CAMTA1: variants seen among roughly 807,000 people sequenced by gnomAD.
The protein encoded by CAMTA1 is calmodulin binding transcription activator 1, also known as calmodulin-binding transcription activator 1.
CAMTA1 carries 27 observed loss-of-function variants against 170.9 expected under a neutral mutation model. The observed-to-expected ratio is 0.16, with a 90% confidence interval of 0.12 to 0.22. The LOEUF is 0.22. CAMTA1 is among the 10% of genes least tolerant of loss of function. The probability of loss-of-function intolerance (pLI) is 1.00; values close to 1 mark genes in which losing one functional copy is unlikely to be tolerated. For synonymous variants in CAMTA1, 833 were observed against 891.5 expected (o/e 0.93, Z 1.17); for missense variants, 1,619 against 2,217.2 (o/e 0.73, Z 5.42).
In CAMTA1 at chr1:7,303,531, T is replaced by C. The variant is rs1675114170; in HGVS notation, c.438+53905T>C. ...GTACATTTTACCAGCGTAGGTGTTA[T>C]TTTCTTACCCTTTTGTTGGATGATT... On this transcript the variant is annotated intron_variant, in intron 5 of 22. Transcript: ENST00000303635. Among the ~76,000 whole-genome samples, 5 of 152,226 alleles carry C rather than the reference T, an allele frequency of 3.3e-5. No individual in the cohort carries two copies. In the South Asian group the frequency reaches 8.3e-4, roughly 25 times the overall value.
rs541790025 is a variant in CAMTA1, at chr1:7,443,305, G to T, written c.439-24525G>T. ...GACCAGGTCTGTTCTGGTCCCCATC[G>T]CATGCTCAGCCCCAGCATCGGGCCT... On this transcript the variant is annotated intron_variant, in intron 5 of 22. Transcript: ENST00000303635. This position sits in a 1 kb window ranked among gnomAD's most constrained non-coding sequence, Gnocchi z 4.1. Among the ~76,000 whole-genome samples the T allele has an allele frequency of 6.6e-6, 1 of 152,226 alleles. No individual in the cohort carries two copies. The highest frequency in any genetic ancestry group is 2.4e-5 in the African/African-American group (1 of 41,458).
At chr1:7,653,033 G>A (rs2095857842) in intron 7 of CAMTA1, among the ~76,000 whole-genome samples, 1 of 152,188 alleles carries the variant, frequency 6.6e-6, no homozygotes, top group Non-Finnish European at 1.5e-5. Flanking sequence ...TCTCAAACTT[G>A]AGTGTGCCTC....
chr1:7,533,862 C>T lies in CAMTA1; in HGVS notation c.510+65961C>T, dbSNP rs116109458. 5.1e-3 allele frequency among the ~76,000 whole-genome samples: 779 copies of T among 152,098 alleles called. 6 individuals carry two copies. Among genetic ancestry groups the T allele is most frequent in the African/African-American group, 0.018 (734 of 41,476 alleles). The stretch of plus-strand genomic sequence containing the variant: ...CTGGGAGGCAGAGGTTGCAGTAAGC[C>T]GCAGTCACACCACTGCACTCTAGCC... On this transcript the variant is annotated intron_variant, in intron 6 of 22. Transcript: ENST00000303635.
intron 3 of CAMTA1, among the ~76,000 whole-genome samples, chr1:6,952,202 G>T (rs907755217): frequency 2.0e-5 from 3 of 150,786 alleles, no homozygotes; most frequent in African/African-American, 7.3e-5. Context: ...AGGCTGAGGC[G>T]GGCGGATCAC....
chr1:6,828,080 A>G (rs151111337), intron 3 of CAMTA1, among the ~76,000 whole-genome samples: 269 of 152,134 alleles, frequency 1.8e-3, no homozygotes, highest in African/African-American at 6.3e-3. Flanking sequence ...ATGAAATGTC[A>G]ACTGTCATCT....
At chr1:6,892,731 C>T (rs1388490007) in intron 3 of CAMTA1, among the ~76,000 whole-genome samples, 1 of 151,190 alleles carries the variant, frequency 6.6e-6, no homozygotes, top group African/African-American at 2.4e-5. Context: ...AACTAGGTCT[C>T]CGTTTCTAAC....
intron 3 of CAMTA1, among the ~76,000 whole-genome samples, chr1:6,844,115 G>A (rs529931823): frequency 1.8e-4 from 28 of 152,280 alleles, no homozygotes; most frequent in South Asian, 1.4e-3. Context: ...CAAACATAAT[G>A]TTGAGAGAAA....
rs371043973 is a variant in CAMTA1 at position 7,064,068 on chromosome 1, T to TCTC, written c.235-27218_235-27216dup. On this transcript the variant is annotated intron_variant, in intron 3 of 22. Coordinates refer to ENST00000303635, the MANE Select transcript of CAMTA1 (RefSeq NM_015215.4). The surrounding 1 kb of genome is among the most constrained non-coding windows in gnomAD (Gnocchi z 5.4). ...ATGGTGGGAGCCTTTGCCTTCACCT[T>TCTC]CTCCTCCTCCTCCTCCTCCTTCTTC... is the stretch of plus-strand genomic sequence containing the variant. Among the ~76,000 whole-genome samples the TCTC allele has an allele frequency of 6.0e-4, 91 of 151,592 alleles. 2 individuals carry two copies. The South Asian group carries it at 6.3e-3, about 10-fold the overall frequency.
At chr1:7,031,218 T>G (rs541197480) in intron 3 of CAMTA1, among the ~76,000 whole-genome samples, 3 of 152,116 alleles carry the variant, frequency 2.0e-5, no homozygotes, top group Non-Finnish European at 4.4e-5. Flanking sequence ...TTCTTGTATT[T>G]CTATCAGTTT....
At chr1:7,033,588 C>CTTTTTT (rs34282545) in intron 3 of CAMTA1, among the ~76,000 whole-genome samples, 23 of 95,128 alleles carry the variant, frequency 2.4e-4, no homozygotes, top group South Asian at 3.8e-4. Context: ...TGTAAATATT[C>CTTTTTT]TTTTTTTTTT....
At chr1:7,432,620 C>T (rs535652750) in intron 5 of CAMTA1, among the ~76,000 whole-genome samples, 197 of 152,292 alleles carry the variant, frequency 1.3e-3, no homozygotes, top group African/African-American at 4.6e-3. Flanking sequence ...TGCCTCCGTC[C>T]GGGCCTCAGC....
intron 11 of CAMTA1, among the ~76,000 whole-genome samples, chr1:7,704,895 G>T (rs2149554682): frequency 6.8e-6 from 1 of 146,572 alleles, no homozygotes; most frequent in African/African-American, 2.5e-5. Flanking sequence ...GCAGGTCCGG[G>T]TAGGTGCGCG....
At chr1:6,995,287 T>C (rs1027826651) in intron 3 of CAMTA1, among the ~76,000 whole-genome samples, 1 of 132,322 alleles carries the variant, frequency 7.6e-6, no homozygotes, top group South Asian at 2.5e-4. Context: ...AAATCTTTTT[T>C]TTCTTTTCTT....
chr1:7,189,099 C>T (rs896731114), intron 4 of CAMTA1, among the ~76,000 whole-genome samples: 1 of 152,180 alleles, frequency 6.6e-6, no homozygotes, highest in Non-Finnish European at 1.5e-5. Context: ...TCCTGAATCC[C>T]ATCCTCTCTT....
At chr1:6,824,803 C>A (rs971704851) in intron 2 of CAMTA1, among the ~76,000 whole-genome samples, 2 of 152,016 alleles carry the variant, frequency 1.3e-5, no homozygotes, top group African/African-American at 2.4e-5. Flanking sequence ...GGGGAAAGAA[C>A]CTTTTAAAAT....
intron 3 of CAMTA1, among the ~76,000 whole-genome samples, chr1:6,944,663 A>C (rs1687281161): frequency 6.6e-6 from 1 of 151,576 alleles, no homozygotes; most frequent in African/African-American, 2.4e-5. Context: ...TTGCGTCATA[A>C]CCCTCCCATG....
rs566539686 is a variant in CAMTA1, at chr1:7,340,930, G to C, written c.438+91304G>C. On this transcript the variant is annotated intron_variant, in intron 5 of 22. Transcript: ENST00000303635. Reference sequence around the variant, plus strand: ...TAGTCCACAAACCAAAGGAGTGAACGCCATGATAAAAATATGGTATTCATA... The same window carrying C: ...TAGTCCACAAACCAAAGGAGTGAACCCCATGATAAAAATATGGTATTCATA... Among the ~76,000 whole-genome samples, 8 of 152,290 alleles carry C rather than the reference G, an allele frequency of 5.3e-5. No homozygotes were observed. In the South Asian group the frequency reaches 8.3e-4, roughly 16 times the overall value.
intron 3 of CAMTA1, among the ~76,000 whole-genome samples, chr1:6,948,935 C>A (rs911047821): frequency 6.6e-6 from 1 of 152,162 alleles, no homozygotes; most frequent in East Asian, 1.9e-4. Context: ...TGCTGTTGCT[C>A]CCTGACGTGT....
chr1:7,644,604 T>C (rs1174068217), intron 7 of CAMTA1, among the ~76,000 whole-genome samples: 1 of 152,222 alleles, frequency 6.6e-6, no homozygotes, highest in East Asian at 1.9e-4. Context: ...CCAAAATGGC[T>C]ACTCCAGCTC....
Sources: gnomAD v4.1 joint callset for allele counts (sites outside exome capture counted in the v4.1 genomes callset) on GRCh38, gnomAD v4.1.1 for gene constraint, Gnocchi (gnomAD v3.1) non-coding constraint, MANE v1.5 for transcripts, NCBI Gene and HGNC (gene_info 2026-07-23, HGNC 2026-07-21) for gene names.